The following ADGRL3 variants were observed in gnomAD, a reference collection of about 807,000 sequenced individuals.
ADGRL3 encodes adhesion G protein-coupled receptor L3.
In ADGRL3, 62 loss-of-function variants were observed where a neutral mutation model predicts 153.5. The ratio of observed to expected loss-of-function variants is 0.40; its 90% CI spans 0.33 to 0.50. The LOEUF (loss-of-function observed/expected upper bound fraction) is 0.50. ADGRL3 is among the 20% of genes least tolerant of loss of function. The pLI is 0.47. For missense variants in ADGRL3, 1,641 were observed against 1,859.4 expected (o/e 0.88, Z 2.16); for synonymous variants, 710 against 672.5 (o/e 1.06, Z -0.86).
At chr4:61,900,545 A>T (rs545620970) in intron 11 of ADGRL3, among the ~76,000 whole-genome samples, 2 of 152,292 alleles carry the variant, frequency 1.3e-5, no homozygotes, top group African/African-American at 4.8e-5. Flanking sequence ...GAGATTTAAT[A>T]AAAAACATAA....
intron 24 of ADGRL3, among the ~76,000 whole-genome samples, chr4:62,040,197 T>G (rs1727455926): frequency 6.6e-6 from 1 of 152,068 alleles, no homozygotes; most frequent in South Asian, 2.1e-4. Flanking sequence ...CAAAACAGAA[T>G]AAATAGTGGG....
chr4:61,366,193 T>C lies in ADGRL3; in HGVS notation c.-239-16931T>C, dbSNP rs528528370. Among the ~76,000 whole-genome samples, 313 of 152,328 alleles carry C rather than the reference T, an allele frequency of 2.1e-3. 1 individual carries two copies. The highest frequency in any genetic ancestry group is 5.0e-3 in the South Asian group (24 of 4,832). On this transcript the variant is annotated intron_variant, in intron 1 of 26. Coordinates refer to ENST00000683033, the MANE Select transcript of ADGRL3 (RefSeq NM_001387552.1). ...CTTTCTTTTAAAATAAGCATTCTCT[T>C]TCCAATATGTATACAGCCACCAGAG...
At chr4:61,699,300 C>T (rs1044875755) in intron 6 of ADGRL3, among the ~76,000 whole-genome samples, 3 of 151,968 alleles carry the variant, frequency 2.0e-5, no homozygotes, top group African/African-American at 7.3e-5. Flanking sequence ...CAGATTCATT[C>T]CAAAAGGATG....
At chr4:61,559,590 A>T (rs566034219) in intron 4 of ADGRL3, among the ~76,000 whole-genome samples, 1 of 152,182 alleles carries the variant, frequency 6.6e-6, no homozygotes, top group South Asian at 2.1e-4. Flanking sequence ...ACAAATGTTC[A>T]TGCTTTGTAA....
chr4:62,058,534 C>T (rs1211747289), intron 25 of ADGRL3, among the ~76,000 whole-genome samples: 1 of 151,980 alleles, frequency 6.6e-6, no homozygotes, highest in Non-Finnish European at 1.5e-5. Flanking sequence ...AGTGAAAACC[C>T]CTGTGTATTT....
chr4:61,547,137 T>C (rs2098717378), intron 4 of ADGRL3, among the ~76,000 whole-genome samples: 1 of 152,182 alleles, frequency 6.6e-6, no homozygotes, highest in Admixed American at 6.5e-5. Context: ...CAGTAAATTA[T>C]AATAAATTTA....
At chr4:61,531,585 C>T (rs543601486) in intron 4 of ADGRL3, among the ~76,000 whole-genome samples, 1 of 152,280 alleles carries the variant, frequency 6.6e-6, no homozygotes, top group South Asian at 2.1e-4. Context: ...ACTGTGTGTA[C>T]ATAAATGACT....
At chr4:61,874,509 C>G (rs1010774502) in intron 9 of ADGRL3, among the ~76,000 whole-genome samples, 2 of 151,998 alleles carry the variant, frequency 1.3e-5, no homozygotes, top group African/African-American at 4.8e-5. Flanking sequence ...GTGGGAAATA[C>G]ACAGAGCTGT....
At chr4:61,302,036 C>G (rs1578186593) in intron 1 of ADGRL3, among the ~76,000 whole-genome samples, 1 of 151,982 alleles carries the variant, frequency 6.6e-6, no homozygotes, top group East Asian at 1.9e-4. Context: ...CATTATAATA[C>G]AAAGTTTGTA....
intron 2 of ADGRL3, among the ~76,000 whole-genome samples, chr4:61,434,137 C>T (rs1210789744): frequency 1.3e-5 from 2 of 152,006 alleles, no homozygotes; most frequent in East Asian, 3.9e-4. Flanking sequence ...TTTTCAAGTG[C>T]TTAGATCAAT....
intron 8 of ADGRL3, among the ~76,000 whole-genome samples, chr4:61,749,482 G>A (rs2152035522): frequency 6.6e-6 from 1 of 152,288 alleles, no homozygotes; most frequent in East Asian, 1.9e-4. Context: ...ATGATAGACT[G>A]GATTAAGAAA....
chr4:61,628,923 C>A (rs934317136), intron 5 of ADGRL3, among the ~76,000 whole-genome samples: 3 of 152,138 alleles, frequency 2.0e-5, no homozygotes, highest in Admixed American at 2.0e-4. Context: ...GTATTGGTAC[C>A]TTCTGTTTAC....
At chr4:61,548,085 T>C (rs940828682) in intron 4 of ADGRL3, among the ~76,000 whole-genome samples, 11 of 152,156 alleles carry the variant, frequency 7.2e-5, no homozygotes, top group African/African-American at 2.7e-4. Flanking sequence ...ATGTCTTATT[T>C]TGAGAAGTCT....
rs571909345 is a variant in ADGRL3 at position 61,289,060 on chromosome 4, C to T, written c.-240+87295C>T. On this transcript the variant is annotated intron_variant, in intron 1 of 26. Transcript: ENST00000683033. ...ACCTAGATATACGTACATAAGTTAACGCAATATAGAGGTTATAAAGTTCTG... is the reference window on the plus strand; with the variant it reads ...ACCTAGATATACGTACATAAGTTAATGCAATATAGAGGTTATAAAGTTCTG... Among the ~76,000 whole-genome samples, 162 of 151,890 alleles carry T rather than the reference C, an allele frequency of 1.1e-3. 1 individual carries two copies. The highest frequency in any genetic ancestry group is 1.9e-3 in the Non-Finnish European group (128 of 67,922).
At chr4:61,989,093 C>T (rs2099095396) in intron 19 of ADGRL3, among the ~76,000 whole-genome samples, 1 of 151,920 alleles carries the variant, frequency 6.6e-6, no homozygotes, top group Non-Finnish European at 1.5e-5. Flanking sequence ...ATCATCTAAC[C>T]AGCATAATCA....
At chr4:62,010,615 G>C (rs1219485046) in intron 21 of ADGRL3, among the ~76,000 whole-genome samples, 1 of 152,038 alleles carries the variant, frequency 6.6e-6, no homozygotes, top group Non-Finnish European at 1.5e-5. Flanking sequence ...CTGTGAAACA[G>C]TTTTTAAAAA....
chr4:61,426,219 C>T (rs181699003), intron 2 of ADGRL3, among the ~76,000 whole-genome samples: 53 of 152,356 alleles, frequency 3.5e-4, no homozygotes, highest in African/African-American at 1.3e-3. Flanking sequence ...AGGTAGTTAA[C>T]CACAAGATTG....
chr4:61,721,077 A>T (rs2096234617), intron 6 of ADGRL3, among the ~76,000 whole-genome samples: 2 of 152,324 alleles, frequency 1.3e-5, no homozygotes, highest in South Asian at 2.1e-4. Flanking sequence ...GAATAACTTA[A>T]ATGTGAATAT....
chr4:61,901,213 T>C (rs1353926940), intron 11 of ADGRL3, among the ~76,000 whole-genome samples: 1 of 152,250 alleles, frequency 6.6e-6, no homozygotes, highest in African/African-American at 2.4e-5. Flanking sequence ...TTCCTATTTC[T>C]AACAAACCAA....
Sources: gnomAD v4.1 joint callset for allele counts (sites outside exome capture counted in the v4.1 genomes callset) on GRCh38, gnomAD v4.1.1 for gene constraint, MANE v1.5 for transcripts, NCBI Gene and HGNC (gene_info 2026-07-23, HGNC 2026-07-21) for gene names.